CAMK2D: variants seen among roughly 807,000 people sequenced by gnomAD.
CAMK2D encodes calcium/calmodulin dependent protein kinase II delta, also known as calcium/calmodulin-dependent protein kinase type II subunit delta.
CAMK2D carries 37 observed loss-of-function variants against 84.0 expected under a neutral mutation model. That is an observed-to-expected ratio of 0.44 (90% CI 0.34 to 0.58). The LOEUF (loss-of-function observed/expected upper bound fraction) is 0.58. Among genes scored for constraint, CAMK2D ranks in the 20% least tolerant of loss-of-function variants. The pLI is 0.02. For missense variants in CAMK2D, 448 were observed against 652.5 expected (o/e 0.69, Z 3.41); for synonymous variants, 202 against 212.5 (o/e 0.95, Z 0.43).
At chr4:113,676,921 A>G (rs1170738420) in intron 2 of CAMK2D, among the ~76,000 whole-genome samples, 5 of 152,106 alleles carry the variant, frequency 3.3e-5, no homozygotes, top group South Asian at 4.1e-4. Flanking sequence ...CTGCTTTGTA[A>G]AAGTTGTATT....
intron 2 of CAMK2D, chr4:113,679,350 A>T: frequency 2.4e-6 from 1 of 415,392 alleles, no homozygotes; most frequent in Non-Finnish European, 3.2e-6. Context: ...GTCAAAATTT[A>T]GACTCTTATC....
chr4:113,613,931 C>T (rs536800411), intron 3 of CAMK2D, among the ~76,000 whole-genome samples: 1 of 151,766 alleles, frequency 6.6e-6, no homozygotes, highest in South Asian at 2.1e-4. Flanking sequence ...AATGAATGGG[C>T]AAGGGAGAAG....
intron 16 of CAMK2D, among the ~76,000 whole-genome samples, chr4:113,474,151 A>AT (rs2097577212): frequency 6.6e-6 from 1 of 152,206 alleles, no homozygotes. Context: ...AGCATTGTGA[A>AT]TACCATTGAG....
Position 113,513,385 on chromosome 4 carries a change from A to C in CAMK2D, c.904-15T>G, listed in dbSNP as rs747734960. The C allele has an allele frequency of 6.4e-7, 1 of 1,572,932 alleles. No homozygotes were observed. The highest frequency in any genetic ancestry group is 1.1e-5 in the South Asian group (1 of 90,168). On this transcript the variant is annotated splice_polypyrimidine_tract_variant and intron_variant, in intron 11 of 20. Coordinates refer to ENST00000511664, the MANE Select transcript of CAMK2D (RefSeq NM_001321571.2). ...AAGATGGCACCCTGTGAAAAAAATT[A>C]GAACACAAAAGTCAGTGTTGCCTAT...
intron 2 of CAMK2D, among the ~76,000 whole-genome samples, chr4:113,687,532 C>G (rs903236578): frequency 2.6e-5 from 4 of 152,164 alleles, no homozygotes; most frequent in African/African-American, 7.2e-5. Context: ...ATGGACACTG[C>G]CCTCCAACTC....
At chr4:113,723,144 T>G (rs1315909169) in intron 2 of CAMK2D, among the ~76,000 whole-genome samples, 1 of 152,126 alleles carries the variant, frequency 6.6e-6, no homozygotes, top group East Asian at 1.9e-4. Context: ...ATTGCTTTAT[T>G]ACTTTATTAA....
chr4:113,454,722 C>T (rs1426532479), intron 20 of CAMK2D, among the ~76,000 whole-genome samples: 2 of 152,056 alleles, frequency 1.3e-5, no homozygotes, highest in South Asian at 2.1e-4. Context: ...ATTAGAAGAT[C>T]AGTATTAATT....
intron 2 of CAMK2D, among the ~76,000 whole-genome samples, chr4:113,721,631 T>C (rs1404410602): frequency 2.6e-5 from 4 of 152,214 alleles, no homozygotes; most frequent in African/African-American, 9.6e-5. Flanking sequence ...TGAAGACATC[T>C]GTGATTCAAC....
At chr4:113,529,148 G>C (rs2154181048) in intron 8 of CAMK2D, among the ~76,000 whole-genome samples, 1 of 152,248 alleles carries the variant, frequency 6.6e-6, no homozygotes, top group Admixed American at 6.5e-5. Flanking sequence ...GGGTTAGTAG[G>C]TAAAACGTAA....
At position 113,531,545 on chromosome 4, in the gene CAMK2D, C is replaced by A. The variant is rs116081063; in HGVS notation, c.518-246G>T. Among the ~76,000 whole-genome samples, 841 of 152,242 alleles carry A rather than the reference C, an allele frequency of 5.5e-3. 11 individuals are homozygous for A. The highest frequency in any genetic ancestry group is 0.02 in the African/African-American group (814 of 41,518). On this transcript the variant is annotated intron_variant, in intron 7 of 20. Coordinates refer to ENST00000511664, the MANE Select transcript of CAMK2D (RefSeq NM_001321571.2). ...TTTTCCAGATATGAAGGCCAATCTA[C>A]TATGCTGCAAAGTCACTGTGTATAC...
chr4:113,475,942 T>A lies in CAMK2D; in HGVS notation c.1136-10338A>T, dbSNP rs549615365. On this transcript the variant is annotated intron_variant, in intron 16 of 20. Transcript: ENST00000511664. ...AGAAGAAAGGCCAATTTACAAAACA[T>A]ATGGGAAAATCAGTCTCCTCCCATT... 2.0e-3 allele frequency among the ~76,000 whole-genome samples: 305 copies of A among 152,268 alleles called. 2 individuals carry two copies. Among genetic ancestry groups the A allele is most frequent in the Non-Finnish European group, 2.9e-3 (196 of 67,992 alleles).
chr4:113,583,647 CA>C (rs1388414811), intron 4 of CAMK2D, among the ~76,000 whole-genome samples: 1 of 152,104 alleles, frequency 6.6e-6, no homozygotes, highest in Non-Finnish European at 1.5e-5. Flanking sequence ...CTGTTTAAAG[CA>C]CTTATGGTTT....
At chr4:113,703,816 A>C (rs1264362079) in intron 2 of CAMK2D, among the ~76,000 whole-genome samples, 1 of 152,140 alleles carries the variant, frequency 6.6e-6, no homozygotes, top group Non-Finnish European at 1.5e-5. Flanking sequence ...ACAATCTTTC[A>C]TGATGAATGG....
chr4:113,512,047 A>G (rs1193061834), intron 12 of CAMK2D, among the ~76,000 whole-genome samples: 1 of 152,248 alleles, frequency 6.6e-6, no homozygotes, highest in East Asian at 1.9e-4. Flanking sequence ...AATTGAAAAA[A>G]TAGCTGGACA....
intron 2 of CAMK2D, among the ~76,000 whole-genome samples, chr4:113,708,584 G>GAGAA (rs1389670725): frequency 6.6e-6 from 1 of 152,060 alleles, no homozygotes; most frequent in African/African-American, 2.4e-5. Flanking sequence ...TCAAGAGTGG[G>GAGAA]AGAAAGTTTT....
intron 2 of CAMK2D, among the ~76,000 whole-genome samples, chr4:113,718,198 T>C (rs553535198): frequency 1.3e-5 from 2 of 152,294 alleles, no homozygotes; most frequent in Admixed American, 1.3e-4. Context: ...ATTTGAGTTG[T>C]ATTACTACTT....
intron 4 of CAMK2D, among the ~76,000 whole-genome samples, chr4:113,564,655 A>G (rs570486122): frequency 1.3e-5 from 2 of 152,348 alleles, no homozygotes; most frequent in East Asian, 3.9e-4. Context: ...TAGCAGCTCA[A>G]TCAACATTAA....
At chr4:113,642,787 C>T (rs1279293406) in intron 3 of CAMK2D, among the ~76,000 whole-genome samples, 1 of 151,702 alleles carries the variant, frequency 6.6e-6, no homozygotes, top group Non-Finnish European at 1.5e-5. Flanking sequence ...GCACCAACTG[C>T]CCACCAGGGC....
At chr4:113,749,407 G>A (rs1387851812) in intron 2 of CAMK2D, among the ~76,000 whole-genome samples, 1 of 151,774 alleles carries the variant, frequency 6.6e-6, no homozygotes, top group Non-Finnish European at 1.5e-5. Flanking sequence ...TTTCTCAACT[G>A]ACAGACACAG....
Sources: allele counts gnomAD v4.1 joint callset (sites outside exome capture counted in the v4.1 genomes callset), GRCh38; gene constraint gnomAD v4.1.1; transcripts MANE v1.5; gene names NCBI Gene and HGNC (gene_info 2026-07-23, HGNC 2026-07-21).